The following RIMS2 variants were observed in gnomAD, a reference collection of about 807,000 sequenced individuals.
RIMS2 encodes the protein regulating synaptic membrane exocytosis 2.
RIMS2 carries 59 observed loss-of-function variants against 174.4 expected under a neutral mutation model. That is an observed-to-expected ratio of 0.34 (90% CI 0.27 to 0.42). The LOEUF (loss-of-function observed/expected upper bound fraction) is 0.42. RIMS2 is among the 10% of genes least tolerant of loss of function. The probability of loss-of-function intolerance (pLI) is 1.00; values close to 1 mark genes in which losing one functional copy is unlikely to be tolerated. For synonymous variants in RIMS2, 606 were observed against 572.5 expected, an observed-to-expected ratio of 1.06 and a Z score of -0.84; for missense variants, 1,620 against 1,666.3, an observed-to-expected ratio of 0.97 and a Z score of 0.48.
At chr8:103,998,408 G>A (rs778409385) in intron 17 of RIMS2, among the ~76,000 whole-genome samples, 6 of 151,762 alleles carry the variant, frequency 4.0e-5, no homozygotes, top group African/African-American at 1.2e-4. Flanking sequence ...GAAATAAAAC[G>A]TATTAACTAA....
chr8:103,948,728 C>T (rs904397506), intron 14 of RIMS2, among the ~76,000 whole-genome samples: 2 of 152,044 alleles, frequency 1.3e-5, no homozygotes, highest in Admixed American at 6.6e-5. Context: ...AGGAGATATT[C>T]CAACATTAGA....
intron 3 of RIMS2, among the ~76,000 whole-genome samples, chr8:103,829,805 G>T: frequency 6.6e-6 from 1 of 152,032 alleles, no homozygotes; most frequent in Non-Finnish European, 1.5e-5. Flanking sequence ...AGATCCCCAA[G>T]TTTACTCATG....
intron 3 of RIMS2, among the ~76,000 whole-genome samples, chr8:103,884,463 G>T (rs902018459): frequency 1.3e-5 from 2 of 151,874 alleles, no homozygotes; most frequent in East Asian, 1.9e-4. Context: ...TGTTAACAGG[G>T]TATCATGTCT....
chr8:103,931,538 A>G (rs2079942153), intron 12 of RIMS2, 145 bp downstream of exon 14: 1 of 476,434 alleles, frequency 2.1e-6, no homozygotes, highest in Admixed American at 4.2e-5. Context: ...CTTAGGAAAC[A>G]AAATAGTGAC....
At chr8:103,773,177 A>G (rs866612459) in intron 3 of RIMS2, among the ~76,000 whole-genome samples, 1 of 152,178 alleles carries the variant, frequency 6.6e-6, no homozygotes, top group Non-Finnish European at 1.5e-5. Context: ...GACTTCATCA[A>G]AATAAAAACT....
intron 16 of RIMS2, among the ~76,000 whole-genome samples, chr8:103,980,580 G>T (rs965916013): frequency 1.3e-5 from 2 of 151,890 alleles, no homozygotes; most frequent in Non-Finnish European, 2.9e-5. Flanking sequence ...TTGCACCTTA[G>T]ATGTCAGCTC....
intron 1 of RIMS2, among the ~76,000 whole-genome samples, chr8:103,524,223 A>G (rs938086059): frequency 1.4e-5 from 2 of 146,584 alleles, no homozygotes; most frequent in African/African-American, 2.4e-5. Flanking sequence ...GCTAAGAAGA[A>G]AAAAAAAGGA....
At chr8:104,228,085 G>A (rs1448660347) in intron 19 of RIMS2, among the ~76,000 whole-genome samples, 1 of 149,060 alleles carries the variant, frequency 6.7e-6, no homozygotes, top group Non-Finnish European at 1.5e-5. Context: ...CTGGAGTGCA[G>A]TGGTGCGATC....
intron 1 of RIMS2, among the ~76,000 whole-genome samples, chr8:103,591,870 A>T (rs1480503023): frequency 3.3e-5 from 5 of 151,142 alleles, no homozygotes; most frequent in African/African-American, 1.2e-4. Context: ...AGTTGGATTA[A>T]TATTCTGTGT....
chr8:103,576,660 C>G (rs979401189), intron 1 of RIMS2, among the ~76,000 whole-genome samples: 2 of 152,154 alleles, frequency 1.3e-5, no homozygotes, highest in Non-Finnish European at 2.9e-5. Context: ...CATCATGCTA[C>G]CTGACTTCAA....
intron 1 of RIMS2, among the ~76,000 whole-genome samples, chr8:103,610,649 A>T (rs932809696): frequency 1.3e-5 from 2 of 152,146 alleles, no homozygotes; most frequent in Non-Finnish European, 2.9e-5. Flanking sequence ...TTGCATTTGT[A>T]TAGCCAGTCT....
intron 15 of RIMS2, among the ~76,000 whole-genome samples, chr8:103,965,156 A>T (rs1239007215): frequency 1.3e-5 from 2 of 152,072 alleles, no homozygotes; most frequent in East Asian, 3.8e-4. Context: ...ACTTCTCCAT[A>T]TGAGGTCTGG....
At chr8:104,166,716 A>C (rs2098800218) in intron 19 of RIMS2, among the ~76,000 whole-genome samples, 1 of 151,654 alleles carries the variant, frequency 6.6e-6, no homozygotes, top group Admixed American at 6.6e-5. Context: ...AGAGTTACAC[A>C]GTTTTATATT....
Position 103,916,533 on chromosome 8 carries a change from A to G in RIMS2, c.2032A>G (p.Ile678Val), listed in dbSNP as rs1394723637. 14 of 1,605,876 alleles carry G rather than the reference A, an allele frequency of 8.7e-6. No homozygotes were observed. The highest frequency in any genetic ancestry group is 2.2e-5 in the East Asian group (1 of 44,664). The change falls in exon 8 of 24, where the codon ATT becomes GTT. Residue 678 changes from isoleucine to valine, a missense_variant. Coordinates refer to ENST00000504942, the Ensembl canonical transcript of RIMS2. ...AGTAGAACTTGTAGTTTCAAGGCCTATTGGGTAAGTTGGTTTCAGTATTTT... is the reference window on the plus strand; with the variant it reads ...AGTAGAACTTGTAGTTTCAAGGCCTGTTGGGTAAGTTGGTTTCAGTATTTT...
At chr8:103,643,120 C>A (rs2096262851) in intron 1 of RIMS2, among the ~76,000 whole-genome samples, 1 of 151,420 alleles carries the variant, frequency 6.6e-6, no homozygotes, top group African/African-American at 2.4e-5. Flanking sequence ...TTTTGTTTTT[C>A]AGTTTTAGAA....
chr8:103,541,108 T>A (rs1842390695), intron 1 of RIMS2, among the ~76,000 whole-genome samples: 1 of 152,164 alleles, frequency 6.6e-6, no homozygotes, highest in Non-Finnish European at 1.5e-5. Context: ...AGCAGAACAG[T>A]TTCCAAATTG....
intron 3 of RIMS2, among the ~76,000 whole-genome samples, chr8:103,780,631 T>A (rs78343557): frequency 0.16 from 23,897 of 152,014 alleles, 1,987 homozygotes; most frequent in Middle Eastern, 0.24. Flanking sequence ...TCAGATGAAT[T>A]CCTGAATTGC....
intron 2 of RIMS2, among the ~76,000 whole-genome samples, chr8:103,754,331 G>A (rs1195034009): frequency 1.3e-5 from 2 of 152,130 alleles, no homozygotes; most frequent in African/African-American, 4.8e-5. Context: ...CATTTGCTGA[G>A]GAGTGTTTTA....
intron 3 of RIMS2, among the ~76,000 whole-genome samples, chr8:103,834,698 T>TTCTTTCTTTC (rs2098850412): frequency 9.9e-6 from 1 of 101,216 alleles, no homozygotes; most frequent in South Asian, 3.4e-4. Context: ...CTTTCTTTCT[T>TTCTTTCTTTC]TCTTTCTTTC....
Sources: allele counts gnomAD v4.1 joint callset (sites outside exome capture counted in the v4.1 genomes callset), GRCh38; gene constraint gnomAD v4.1.1; transcripts MANE v1.5; gene names NCBI Gene and HGNC (gene_info 2026-07-23, HGNC 2026-07-21).